Variants in RYR2 observed in about 807,000 individuals in gnomAD.
RYR2 encodes ryanodine receptor 2.
RYR2 carries 227 observed loss-of-function variants against 601.1 expected under a neutral mutation model. That is an observed-to-expected ratio of 0.38 (90% CI 0.34 to 0.42). RYR2 has a LOEUF of 0.42. Among genes scored for constraint, RYR2 ranks in the 10% least tolerant of loss-of-function variants. RYR2 has a pLI of 1.00. For synonymous variants in RYR2, 2,223 were observed against 2,175.1 expected (o/e 1.02, Z -0.61); for missense variants, 4,646 against 6,156.5 (o/e 0.75, Z 8.21).
intron 1 of RYR2, among the ~76,000 whole-genome samples, chr1:237,061,265 T>C (rs1422386461): frequency 3.3e-4 from 29 of 89,106 alleles, no homozygotes; most frequent in African/African-American, 5.9e-4. Flanking sequence ...TCTATCTATC[T>C]ATCCATCTAT....
At chr1:237,063,888 C>T (rs1018177953) in intron 1 of RYR2, among the ~76,000 whole-genome samples, 1 of 152,178 alleles carries the variant, frequency 6.6e-6, no homozygotes, top group Non-Finnish European at 1.5e-5. Flanking sequence ...CCCCCGACCC[C>T]ACCCCCAGCA....
chr1:237,420,980 C>A lies in RYR2; in HGVS notation c.849-2112C>A, dbSNP rs151215523. On this transcript the variant is annotated intron_variant, in intron 11 of 104. Transcript: ENST00000366574. ...GTGACCGGGCACAGGGTGGCTCACGCCTGTAATCCCATCACTTTGGGAGGC... is the reference window on the plus strand; with the variant it reads ...GTGACCGGGCACAGGGTGGCTCACGACTGTAATCCCATCACTTTGGGAGGC... 8.3e-3 allele frequency among the ~76,000 whole-genome samples: 1,271 copies of A among 152,330 alleles called. 26 individuals carry two copies. Among genetic ancestry groups the A allele is most frequent in the African/African-American group, 0.029 (1,221 of 41,568 alleles).
chr1:237,812,552 G>T (rs1342431001), intron 100 of RYR2, among the ~76,000 whole-genome samples: 1 of 152,102 alleles, frequency 6.6e-6, no homozygotes, highest in African/African-American at 2.4e-5. Flanking sequence ...GTTGCTTTAG[G>T]TGGCTGGCTA....
At chr1:237,291,042 G>A (rs1045269372) in intron 2 of RYR2, among the ~76,000 whole-genome samples, 3 of 152,068 alleles carry the variant, frequency 2.0e-5, no homozygotes, top group East Asian at 3.9e-4. Flanking sequence ...TGTTAGAAGC[G>A]TAAATTGATA....
chr1:237,250,215 C>G (rs1687308772), intron 1 of RYR2, among the ~76,000 whole-genome samples: 1 of 152,182 alleles, frequency 6.6e-6, no homozygotes. Flanking sequence ...ACGCACTGCC[C>G]TGGCATCCTG....
intron 2 of RYR2, among the ~76,000 whole-genome samples, chr1:237,271,042 A>C (rs1689637861): frequency 6.6e-6 from 1 of 152,200 alleles, no homozygotes; most frequent in African/African-American, 2.4e-5. Flanking sequence ...TTCATGTTTA[A>C]AATACGTAAA....
rs1487119561 is a variant in RYR2 at position 237,733,735 on chromosome 1, C to A, written c.11070C>A (p.Ala3690=). The A allele has an allele frequency of 5.6e-6, 9 of 1,608,604 alleles. No individual in the cohort carries two copies. Among genetic ancestry groups the A allele is most frequent in the Non-Finnish European group, 7.7e-6 (9 of 1,175,752 alleles). The change falls in exon 79 of 105, where the codon GCC becomes GCA. Residue 3690 remains alanine, a synonymous_variant. Transcript: ENST00000366574. The stretch of plus-strand genomic sequence containing the variant: ...TGGAGGAAGATTTTTTATATATGGC[C>A]TATGCAGATATTATGGCAAAGGTAA... ...CKLEEDFLYM[A]YADIMAKSCH...
chr1:237,484,145 T>A (rs2150377054), intron 17 of RYR2, among the ~76,000 whole-genome samples: 1 of 152,286 alleles, frequency 6.6e-6, no homozygotes, highest in Non-Finnish European at 1.5e-5. Context: ...GGCCAGGTGC[T>A]CCTTCTGGAG....
chr1:237,788,819 A>C (rs6681352), intron 92 of RYR2, among the ~76,000 whole-genome samples: 5,294 of 152,138 alleles, frequency 0.035, 319 homozygotes, highest in African/African-American at 0.12. Context: ...AGCTCTCTCT[A>C]TGTCTATTCA....
chr1:237,753,450 A>G (rs1251191568), intron 80 of RYR2, among the ~76,000 whole-genome samples: 1 of 152,222 alleles, frequency 6.6e-6, no homozygotes, highest in Non-Finnish European at 1.5e-5. Flanking sequence ...GTTATAACCA[A>G]AAGCAAATCA....
In RYR2 at chr1:237,488,888, G is replaced by A. The variant is rs144209311; in HGVS notation, c.1709-2918G>A. Reference sequence around the variant, plus strand: ...AAGCCTGTTGGTGGACTCTTCTCACGGACGCGCGTGACAACCATTGCCTTG... The same window carrying A: ...AAGCCTGTTGGTGGACTCTTCTCACAGACGCGCGTGACAACCATTGCCTTG... On this transcript the variant is annotated intron_variant, in intron 17 of 104. Coordinates refer to ENST00000366574, the MANE Select transcript of RYR2 (RefSeq NM_001035.3). 1.7e-3 allele frequency among the ~76,000 whole-genome samples: 254 copies of A among 152,200 alleles called. 1 individual carries two copies. The highest frequency in any genetic ancestry group is 2.0e-3 in the Non-Finnish European group (134 of 68,010).
chr1:237,134,027 G>T (rs1210347955), intron 1 of RYR2, among the ~76,000 whole-genome samples: 1 of 151,894 alleles, frequency 6.6e-6, no homozygotes, highest in Non-Finnish European at 1.5e-5. Context: ...GTTATTGGAG[G>T]TGTTCCCTTG....
intron 24 of RYR2, among the ~76,000 whole-genome samples, chr1:237,521,838 C>G (rs1667117011): frequency 6.6e-6 from 1 of 152,064 alleles, no homozygotes; most frequent in Non-Finnish European, 1.5e-5. Flanking sequence ...CTGGGGCCTC[C>G]CCTCTCACCA....
At chr1:237,798,656 A>G (rs1659569316) in intron 97 of RYR2, among the ~76,000 whole-genome samples, 1 of 152,158 alleles carries the variant, frequency 6.6e-6, no homozygotes. Flanking sequence ...CGTCAGAAAT[A>G]ATATACCATC....
chr1:237,220,884 T>G (rs1366723509), intron 1 of RYR2, among the ~76,000 whole-genome samples: 1 of 152,014 alleles, frequency 6.6e-6, no homozygotes, highest in Admixed American at 6.6e-5. Context: ...AGGTCAGGAA[T>G]TTGAAACCAG....
At position 237,493,015 on chromosome 1, in the gene RYR2, A is replaced by T; in HGVS notation, c.1889A>T (p.His630Leu). The part of the protein sequence containing the change: ...CHGVAVRSNQ[H>L]LICDNLLPGR... ...GGGGTTGCAGTCCGTTCTAACCAGC[A>T]TCTCATCTGTGACAATCTCCTACCA... The change falls in exon 19 of 105, where the codon CAT becomes CTT. Residue 630 changes from histidine (H) to leucine (L), a missense_variant. His to Leu is a moderately conservative substitution (Grantham distance 99). This residue lies in a region of RYR2 where 1,807 missense variants were observed against 2,088.1 expected (regional missense o/e 0.87). Transcript: ENST00000366574. 1 of 1,612,328 alleles carries T rather than the reference A, an allele frequency of 6.2e-7. No individual in the cohort carries two copies. Among genetic ancestry groups the T allele is most frequent in the Non-Finnish European group, 8.5e-7 (1 of 1,179,206 alleles).
chr1:237,169,607 G>A (rs1426185908), intron 1 of RYR2, among the ~76,000 whole-genome samples: 1 of 151,982 alleles, frequency 6.6e-6, no homozygotes, highest in East Asian at 1.9e-4. Flanking sequence ...CCTTTTTGCT[G>A]GGTAAAATAC....
At chr1:237,401,105 A>G (rs1207057378) in intron 10 of RYR2, among the ~76,000 whole-genome samples, 5 of 152,214 alleles carry the variant, frequency 3.3e-5, no homozygotes, top group South Asian at 2.1e-4. Context: ...TGAGATTACT[A>G]TGGCCCTCGT....
rs71561879 is a variant in RYR2, at chr1:237,511,834, GAAAAAAAAAA to G, written c.2822+59_2822+68del. The G allele has an allele frequency of 0.04, 7,571 of 188,884 alleles. 200 individuals are homozygous for G. The highest frequency in any genetic ancestry group is 0.14 in the African/African-American group (4,669 of 32,870). 11.7% of individuals were successfully genotyped at this position (188,884 alleles called of 1,614,324 possible). A position where few individuals can be genotyped will look rare whatever the true frequency, so the allele number is the denominator to read the frequency against. ...TTCTATTTTCCAACCTGCCTTCCCT[GAAAAAAAAAA>G]AAAAAAAAAAAAAAACAGGTATTGA... On this transcript the variant is annotated intron_variant, in intron 24 of 104. Coordinates refer to ENST00000366574, the MANE Select transcript of RYR2 (RefSeq NM_001035.3).
Sources: gnomAD v4.1 joint callset for allele counts (sites outside exome capture counted in the v4.1 genomes callset) on GRCh38, gnomAD v4.1.1 for gene constraint, gnomAD v4.1.1 regional missense constraint, MANE v1.5 for transcripts, NCBI Gene and HGNC (gene_info 2026-07-23, HGNC 2026-07-21) for gene names.